The following HMGXB3 variants were observed in gnomAD, a reference collection of about 807,000 sequenced individuals.
HMGXB3 encodes the protein HMG-box containing 3, also known as HMG domain-containing protein 3.
In HMGXB3, 45 loss-of-function variants were observed where a neutral mutation model predicts 121.5. That is an observed-to-expected ratio of 0.37 (90% CI 0.29 to 0.47). HMGXB3 has a LOEUF of 0.47. Ranked by LOEUF, HMGXB3 falls within the 20% of genes least tolerant of loss-of-function variation. HMGXB3 has a pLI of 0.99. For synonymous variants in HMGXB3, 590 were observed against 624.1 expected (o/e 0.95, Z 0.81); for missense variants, 1,376 against 1,602.2 (o/e 0.86, Z 2.41).
chr5:150,035,806 C>T (rs565937352), intron 11 of HMGXB3, among the ~76,000 whole-genome samples: 2 of 152,108 alleles, frequency 1.3e-5, no homozygotes, highest in East Asian at 1.9e-4. Context: ...TATTTCAGAA[C>T]ATTGTTCCTG....
At chr5:150,033,967 T>C (rs1359783723) in intron 11 of HMGXB3, among the ~76,000 whole-genome samples, 1 of 152,160 alleles carries the variant, frequency 6.6e-6, no homozygotes, top group Non-Finnish European at 1.5e-5. Flanking sequence ...GGAGTGACCC[T>C]GAGTTGGAAG....
intron 5 of HMGXB3, among the ~76,000 whole-genome samples, chr5:150,017,083 C>T (rs7700709): frequency 0.26 from 39,420 of 152,140 alleles, 8,475 homozygotes; most frequent in African/African-American, 0.58. Context: ...ACTGTTCTTT[C>T]ATGCTCTAAT....
intron 1 of HMGXB3, among the ~76,000 whole-genome samples, chr5:150,001,677 C>CT (rs1274013742): frequency 6.6e-6 from 1 of 152,062 alleles, no homozygotes; most frequent in African/African-American, 2.4e-5. Flanking sequence ...ATTGTCCTGC[C>CT]TTTTTTTGCA....
intron 7 of HMGXB3, among the ~76,000 whole-genome samples, chr5:150,025,681 C>T (rs1351489308): frequency 6.6e-6 from 1 of 152,154 alleles, no homozygotes; most frequent in Non-Finnish European, 1.5e-5. Flanking sequence ...GATCTTCCCA[C>T]CTCAGCCTCT....
chr5:150,014,171 A>T (rs187998800), intron 5 of HMGXB3, among the ~76,000 whole-genome samples: 2 of 152,336 alleles, frequency 1.3e-5, no homozygotes, highest in Admixed American at 6.5e-5. Flanking sequence ...CTACTAACGG[A>T]TACTACCAGA....
At chr5:150,042,852 A>C (rs1013426486) in intron 15 of HMGXB3, among the ~76,000 whole-genome samples, 27 of 152,336 alleles carry the variant, frequency 1.8e-4, no homozygotes, top group Admixed American at 1.4e-3. Flanking sequence ...TATTATTCCA[A>C]ACATAGGCAA....
In HMGXB3 at chr5:150,012,268, G is replaced by C; in HGVS notation, c.824G>C (p.Ser275Thr). The C allele has an allele frequency of 6.4e-7, 1 of 1,552,096 alleles. No individual in the cohort carries two copies. The highest frequency in any genetic ancestry group is 8.7e-7 in the Non-Finnish European group (1 of 1,146,936). ...CATTGCCCATAGGATTCCAGTGAGA[G>C]TAGCTCCTCTGCACCAGCCACACAG... is the stretch of plus-strand genomic sequence containing the variant. ...VVTVMRDSSESSSSAPATQFI... is the reference protein window; with the variant it reads ...VVTVMRDSSETSSSAPATQFI... Residue 275 changes from serine (S) to threonine (T), a missense_variant, in exon 5 of 20, where the codon AGT becomes ACT. Coordinates refer to ENST00000502717, the MANE Select transcript of HMGXB3 (RefSeq NM_014983.3).
intron 9 of HMGXB3, among the ~76,000 whole-genome samples, chr5:150,028,450 A>ATATATATATG (rs1756285290): frequency 7.0e-6 from 1 of 141,970 alleles, no homozygotes; most frequent in Admixed American, 7.2e-5. Context: ...ATGTGTGTGT[A>ATATATATATG]TATATATATG....
At chr5:150,017,464 A>G (rs1755983567) in intron 5 of HMGXB3, among the ~76,000 whole-genome samples, 1 of 152,236 alleles carries the variant, frequency 6.6e-6, no homozygotes, top group Non-Finnish European at 1.5e-5. Context: ...GCGATTTTAC[A>G]GAGGAAGAAA....
At chr5:150,036,311 CT>C (rs1221397407) in intron 11 of HMGXB3, among the ~76,000 whole-genome samples, 1 of 152,064 alleles carries the variant, frequency 6.6e-6, no homozygotes, top group Non-Finnish European at 1.5e-5. Context: ...ATACATACTG[CT>C]TGAGCATCCC....
chr5:150,021,131 T>C (rs1235957233), intron 6 of HMGXB3, among the ~76,000 whole-genome samples: 1 of 152,230 alleles, frequency 6.6e-6, no homozygotes, highest in Non-Finnish European at 1.5e-5. Flanking sequence ...CTTGACTTGC[T>C]AAGTCAGAAT....
intron 1 of HMGXB3, among the ~76,000 whole-genome samples, chr5:150,001,470 A>G (rs1472485188): frequency 6.6e-6 from 1 of 152,224 alleles, no homozygotes; most frequent in Non-Finnish European, 1.5e-5. Context: ...TGAGATTCCA[A>G]GGAGGATCTG....
At chr5:150,023,478 T>C (rs960097716) in intron 6 of HMGXB3, among the ~76,000 whole-genome samples, 13 of 152,328 alleles carry the variant, frequency 8.5e-5, no homozygotes, top group Non-Finnish European at 1.9e-4. Context: ...CTTTATGATA[T>C]ACATGGTGGG....
At chr5:150,050,179 C>A in intron 18 of HMGXB3, 73 bp from the exon 19 acceptor site, 1 of 1,286,592 alleles carries the variant, frequency 7.8e-7, no homozygotes, top group Non-Finnish European at 1.1e-6. Context: ...TGGGAAGAAG[C>A]GAGTGAGAAC....
chr5:150,048,159 T>A (rs992047257), intron 17 of HMGXB3, among the ~76,000 whole-genome samples: 3 of 152,272 alleles, frequency 2.0e-5, no homozygotes, highest in Non-Finnish European at 4.4e-5. Context: ...TCTTAGAAAA[T>A]GCCTACTGTT....
intron 11 of HMGXB3, 78 bp from the exon 12 acceptor site, chr5:150,036,558 C>A: frequency 7.5e-7 from 1 of 1,340,050 alleles, no homozygotes. Flanking sequence ...GTCTGCTGCT[C>A]CCAGACTTTT....
At position 150,048,640 on chromosome 5, in the gene HMGXB3, A is replaced by G. The variant is rs200717455; in HGVS notation, c.3156A>G (p.Pro1052=). 3,042 of 1,551,862 alleles carry G rather than the reference A, an allele frequency of 2.0e-3. 58 individuals are homozygous for G. The South Asian group carries it at 0.033, about 17-fold the overall frequency. The change falls in exon 18 of 20, where the codon CCA becomes CCG. Residue 1052 remains proline, a synonymous_variant. Transcript: ENST00000502717. The part of the protein sequence containing the change: ...VQNGARAIRP[P]RHFTGGKIYK... ...ATGGAGCTAGAGCTATACGGCCCCC[A>G]CGTCACTTCACAGGTGGTAAAATCT... is the stretch of plus-strand genomic sequence containing the variant.
In HMGXB3 at chr5:150,018,671, T is replaced by A; in HGVS notation, c.1015T>A (p.Phe339Ile). The change falls in exon 6 of 20, where the codon TTC becomes ATC. Residue 339 changes from phenylalanine (F) to isoleucine (I), a missense_variant. Phe to Ile is a conservative substitution (Grantham distance 21). Coordinates refer to ENST00000502717, the MANE Select transcript of HMGXB3 (RefSeq NM_014983.3). ...KPPKCPTCGN[F>I]LGGKWIPKEK... The stretch of plus-strand genomic sequence containing the variant: ...ACCTAAGTGCCCTACCTGTGGTAAC[T>A]TCCTAGGAGGGAAGTGGATCCCAAA... 6.4e-7 allele frequency: 1 copy of A among 1,550,484 alleles called. No homozygotes were observed. Among genetic ancestry groups the A allele is most frequent in the African/African-American group, 1.4e-5 (1 of 73,130 alleles).
intron 5 of HMGXB3, chr5:150,014,833 G>T: frequency 2.2e-6 from 1 of 457,024 alleles, no homozygotes; most frequent in Non-Finnish European, 3.9e-6. Context: ...TATTTCCCAG[G>T]GATTAAAACT....
Sources: gnomAD v4.1 joint callset for allele counts (sites outside exome capture counted in the v4.1 genomes callset) on GRCh38, gnomAD v4.1.1 for gene constraint, MANE v1.5 for transcripts, NCBI Gene and HGNC (gene_info 2026-07-23, HGNC 2026-07-21) for gene names.